CPN1: variants seen among roughly 807,000 people sequenced by gnomAD.
CPN1 encodes carboxypeptidase N catalytic chain.
Under a neutral mutation model 46.4 loss-of-function variants are expected in CPN1, and 37 were observed. The observed-to-expected ratio is 0.80, with a 90% CI of 0.61 to 1.05. The LOEUF (loss-of-function observed/expected upper bound fraction) is 1.05. CPN1 is among the 50% of genes least tolerant of loss of function. The probability of loss-of-function intolerance (pLI) is 0.00; values close to 1 mark genes in which losing one functional copy is unlikely to be tolerated. For missense variants in CPN1, 563 were observed against 602.6 expected (o/e 0.93, Z 0.69); for synonymous variants, 224 against 235.4 (o/e 0.95, Z 0.44).
chr10:100,080,274 C>T (rs1001173593), intron 1 of CPN1, among the ~76,000 whole-genome samples: 3 of 152,072 alleles, frequency 2.0e-5, no homozygotes, highest in Non-Finnish European at 4.4e-5. Context: ...AAATGTCCAT[C>T]AATATATGGA....
At chr10:100,070,647 C>G (rs1166055782) in intron 2 of CPN1, among the ~76,000 whole-genome samples, 3 of 152,150 alleles carry the variant, frequency 2.0e-5, no homozygotes, top group Non-Finnish European at 4.4e-5. Context: ...GAATCATTTT[C>G]TACTTTGACT....
In CPN1 at chr10:100,042,421, T is replaced by C; in HGVS notation, c.*6A>G. 1 of 1,612,892 alleles carries C rather than the reference T, an allele frequency of 6.2e-7. No homozygotes were observed. The highest frequency in any genetic ancestry group is 8.5e-7 in the Non-Finnish European group (1 of 1,179,966). On this transcript the variant is annotated 3_prime_UTR_variant, in exon 9 of 9. Transcript: ENST00000370418. ...CTTTCTGAAGGGTTGCCTGGCACTG[T>C]GGGTTTCAGGCAGGGCCTCTCTGCA...
chr10:100,063,302 T>G (rs2041431516), intron 5 of CPN1, among the ~76,000 whole-genome samples: 1 of 151,876 alleles, frequency 6.6e-6, no homozygotes, highest in African/African-American at 2.4e-5. Context: ...TTCATATTTT[T>G]AGTAGAGACG....
intron 1 of CPN1, among the ~76,000 whole-genome samples, chr10:100,078,667 T>C (rs2041528350): frequency 6.6e-6 from 1 of 152,230 alleles, no homozygotes; most frequent in Non-Finnish European, 1.5e-5. Context: ...TATGTTCCCA[T>C]AAAACTTCAT....
chr10:100,048,904 C>T (rs1168996066), intron 7 of CPN1, 28 bp from the exon 8 acceptor site: 1 of 1,542,840 alleles, frequency 6.5e-7, no homozygotes, highest in Non-Finnish European at 9.0e-7. Context: ...ATAACTCAGT[C>T]TACTGATTAA....
At chr10:100,079,506 G>C (rs1173733082) in intron 1 of CPN1, among the ~76,000 whole-genome samples, 1 of 152,216 alleles carries the variant, frequency 6.6e-6, no homozygotes, top group African/African-American at 2.4e-5. Flanking sequence ...GAGTGTTGGG[G>C]GGCTAACCCC....
At chr10:100,073,561 GGT>G (rs2041497845) in intron 2 of CPN1, among the ~76,000 whole-genome samples, 1 of 151,570 alleles carries the variant, frequency 6.6e-6, no homozygotes, top group East Asian at 1.9e-4. Flanking sequence ...CTAAAAGCAA[GGT>G]GTCTCTCCAG....
Position 100,055,389 on chromosome 10 carries a change from C to T in CPN1, c.1012-943G>A, listed in dbSNP as rs546211059. ...CCTGGCAACCACCATTTTATCAACA[C>T]TTTTCATCTCTATAATTTTGACTAC... is the stretch of plus-strand genomic sequence containing the variant. On this transcript the variant is annotated intron_variant, in intron 6 of 8. Coordinates refer to ENST00000370418, the MANE Select transcript of CPN1 (RefSeq NM_001308.3). 3.3e-5 allele frequency among the ~76,000 whole-genome samples: 5 copies of T among 150,540 alleles called. No homozygotes were observed. The East Asian group carries it at 9.8e-4, about 30-fold the overall frequency.
intron 1 of CPN1, 66 bp downstream of exon 1, chr10:100,081,337 C>A: frequency 1.4e-6 from 2 of 1,431,890 alleles, no homozygotes; most frequent in South Asian, 2.4e-5. Context: ...AGAAACCACT[C>A]CAATTACTGG....
At chr10:100,071,913 G>T (rs2041488035) in intron 2 of CPN1, among the ~76,000 whole-genome samples, 1 of 152,144 alleles carries the variant, frequency 6.6e-6, no homozygotes, top group African/African-American at 2.4e-5. Flanking sequence ...ATCACCTACG[G>T]ATACTGAAGG....
chr10:100,055,249 A>T (rs1046439934), intron 6 of CPN1, among the ~76,000 whole-genome samples: 2 of 151,630 alleles, frequency 1.3e-5, no homozygotes, highest in South Asian at 2.1e-4. Context: ...AAAAAAAAAA[A>T]TTTGTAATGT....
chr10:100,048,700 C>A (rs1432122480), intron 8 of CPN1, 58 bp downstream of exon 8: 2 of 1,268,400 alleles, frequency 1.6e-6, no homozygotes, highest in Non-Finnish European at 2.3e-6. Flanking sequence ...CACTGTCCTC[C>A]AAAAAAAGAC....
chr10:100,047,008 T>C (rs2041317221), intron 8 of CPN1, among the ~76,000 whole-genome samples: 1 of 148,828 alleles, frequency 6.7e-6, no homozygotes, highest in Middle Eastern at 3.5e-3. Flanking sequence ...CAAAAGACAG[T>C]GGTTGGAGTG....
chr10:100,054,512 C>T lies in CPN1; in HGVS notation c.1012-66G>A. 3 of 1,283,866 alleles carry T rather than the reference C, an allele frequency of 2.3e-6. No individual in the cohort carries two copies. In the South Asian group the frequency reaches 3.6e-5, roughly 15 times the overall value. The allele number at this position is 1,283,866 out of a possible 1,614,324, so 79.5% of individuals were successfully genotyped here. ...TACCATTTGTACAGTGTTTTAGAGT[C>T]TCAAAGCCCTTTCTCTTATGTTTTT... is the stretch of plus-strand genomic sequence containing the variant. On this transcript the variant is annotated intron_variant, in intron 6 of 8. Coordinates refer to ENST00000370418, the MANE Select transcript of CPN1 (RefSeq NM_001308.3).
intron 8 of CPN1, among the ~76,000 whole-genome samples, chr10:100,045,878 GGTTGT>G (rs762123767): frequency 6.6e-6 from 1 of 152,126 alleles, no homozygotes; most frequent in African/African-American, 2.4e-5. Flanking sequence ...GTCTACTAAG[GGTTGT>G]GTACAGGAGT....
intron 7 of CPN1, among the ~76,000 whole-genome samples, chr10:100,051,658 T>C (rs936975189): frequency 2.1e-5 from 3 of 146,056 alleles, no homozygotes; most frequent in Non-Finnish European, 4.5e-5. Flanking sequence ...CTCCTGAGTA[T>C]CTGGGACTAC....
In CPN1 at chr10:100,060,122, T is replaced by C. The variant is rs559920974; in HGVS notation, c.872-2970A>G. Among the ~76,000 whole-genome samples the C allele has an allele frequency of 2.5e-3, 380 of 152,254 alleles. 2 individuals are homozygous for C. The highest frequency in any genetic ancestry group is 8.6e-3 in the African/African-American group (356 of 41,528). On this transcript the variant is annotated intron_variant, in intron 5 of 8. Transcript: ENST00000370418. ...ATGGAGAGTTATTGTTTAATGGGTA[T>C]AGGGTTTCAGTTTTACAAGCTGAAA...
chr10:100,071,110 A>T (rs1228526327), intron 2 of CPN1, among the ~76,000 whole-genome samples: 1 of 152,194 alleles, frequency 6.6e-6, no homozygotes, highest in Non-Finnish European at 1.5e-5. Context: ...AGCATGTATC[A>T]GTACTTCATT....
chr10:100,077,807 T>C (rs2041523823), intron 1 of CPN1, among the ~76,000 whole-genome samples: 1 of 152,326 alleles, frequency 6.6e-6, no homozygotes, highest in South Asian at 2.1e-4. Flanking sequence ...AGGATGGATA[T>C]AGTAGATGAC....
Sources: gnomAD v4.1 joint callset for allele counts (sites outside exome capture counted in the v4.1 genomes callset) on GRCh38, gnomAD v4.1.1 for gene constraint, MANE v1.5 for transcripts, NCBI Gene and HGNC (gene_info 2026-07-23, HGNC 2026-07-21) for gene names.